The following MYO5B variants were observed in gnomAD, a reference collection of about 807,000 sequenced individuals.
The protein encoded by MYO5B is myosin VB.
In MYO5B, 143 loss-of-function variants were observed where a neutral mutation model predicts 229.3. That is an observed-to-expected ratio of 0.62 (90% confidence interval 0.54 to 0.72). MYO5B has a LOEUF of 0.72. Ranked by LOEUF, MYO5B falls within the 30% of genes least tolerant of loss-of-function variation. The pLI is 0.00. For missense variants in MYO5B, 2,321 were observed against 2,331.0 expected (o/e 1.00, Z 0.09); for synonymous variants, 918 against 885.2 (o/e 1.04, Z -0.66).
Position 49,990,507 on chromosome 18 carries a change from C to T in MYO5B, c.770G>A (p.Arg257Lys). Residue 257 changes from arginine to lysine, a missense_variant, in exon 7 of 40, where the codon AGG becomes AAG. By Grantham distance (26) the Arg-to-Lys change is conservative. Transcript: ENST00000285039. The part of the protein sequence containing the change: ...SRVVFQADDE[R>K]NYHIFYQLCA... ...GAGCTGGTAAAAGATGTGGTAATTC[C>T]TCTCATCATCTGCCTGGAGGAGGAA... 2 of 1,613,624 alleles carry T rather than the reference C, an allele frequency of 1.2e-6. No homozygotes were observed. The highest frequency in any genetic ancestry group is 1.7e-6 in the Non-Finnish European group (2 of 1,179,646).
intron 1 of MYO5B, among the ~76,000 whole-genome samples, chr18:50,158,444 T>A (rs1183280162): frequency 6.6e-6 from 1 of 152,238 alleles, no homozygotes; most frequent in Non-Finnish European, 1.5e-5. Context: ...TTTACCTTCT[T>A]GGAAGCGCCA....
intron 17 of MYO5B, among the ~76,000 whole-genome samples, chr18:49,926,611 G>T (rs1373659862): frequency 2.0e-5 from 3 of 152,176 alleles, no homozygotes; most frequent in Non-Finnish European, 2.9e-5. Context: ...CCCTATTTCA[G>T]GCAAGTGTCC....
intron 1 of MYO5B, among the ~76,000 whole-genome samples, chr18:50,133,385 G>A (rs1669935344): frequency 6.6e-6 from 1 of 152,214 alleles, no homozygotes; most frequent in Admixed American, 6.5e-5. Context: ...CGAGGCTAAT[G>A]TTTGGGCCTT....
intron 16 of MYO5B, among the ~76,000 whole-genome samples, chr18:49,934,537 C>G (rs2025228804): frequency 6.6e-6 from 1 of 152,360 alleles, no homozygotes; most frequent in African/African-American, 2.4e-5. Flanking sequence ...AAGGCCACAG[C>G]TGGTCTGGCC....
intron 31 of MYO5B, chr18:49,850,828 C>A (rs2024191933): frequency 1.3e-5 from 2 of 152,746 alleles, no homozygotes; most frequent in African/African-American, 2.4e-5. Context: ...GTTCATATAA[C>A]CCTGTCCAGA....
At chr18:49,962,782 A>G (rs2025575060) in intron 11 of MYO5B, among the ~76,000 whole-genome samples, 167 bp downstream of exon 11, 1 of 152,010 alleles carries the variant, frequency 6.6e-6, no homozygotes, top group African/African-American at 2.4e-5. Flanking sequence ...CTCCCTCCTG[A>G]GCAGTGGAGA....
At chr18:50,142,551 T>C (rs2032434155) in intron 1 of MYO5B, among the ~76,000 whole-genome samples, 1 of 152,156 alleles carries the variant, frequency 6.6e-6, no homozygotes, top group Non-Finnish European at 1.5e-5. Flanking sequence ...GTGTTGTCAT[T>C]TTAAAACCAA....
chr18:49,927,754 T>C (rs1015643470), intron 17 of MYO5B, among the ~76,000 whole-genome samples: 18 of 152,174 alleles, frequency 1.2e-4, no homozygotes, highest in Non-Finnish European at 2.4e-4. Context: ...TCAAGATGGA[T>C]CAAAGACTTA....
intron 29 of MYO5B, among the ~76,000 whole-genome samples, chr18:49,861,256 T>C (rs1358144893): frequency 2.0e-5 from 3 of 152,222 alleles, no homozygotes; most frequent in Admixed American, 6.5e-5. Flanking sequence ...ATCATTATTA[T>C]TGCTGTAAAG....
intron 25 of MYO5B, among the ~76,000 whole-genome samples, chr18:49,877,139 A>G (rs746487968): frequency 3.9e-5 from 6 of 152,112 alleles, no homozygotes; most frequent in African/African-American, 4.8e-5. Flanking sequence ...GCGCACACAC[A>G]CGCGCGCATG....
rs559976990 is a variant in MYO5B at position 49,951,830 on chromosome 18, A to G, written c.1752+1430T>C. On this transcript the variant is annotated intron_variant, in intron 14 of 39. Coordinates refer to ENST00000285039, the MANE Select transcript of MYO5B (RefSeq NM_001080467.3). ...CGTGAGGAAGGGGATCCTAGTGCTC[A>G]GAACACTTCCATCTACTCTCTTTCC... 2.0e-5 allele frequency among the ~76,000 whole-genome samples: 3 copies of G among 152,286 alleles called. No individual in the cohort carries two copies. In the South Asian group the frequency reaches 6.2e-4, roughly 32 times the overall value.
intron 4 of MYO5B, among the ~76,000 whole-genome samples, chr18:50,021,916 A>G (rs1053462519): frequency 1.3e-5 from 2 of 152,076 alleles, no homozygotes; most frequent in Non-Finnish European, 1.5e-5. Flanking sequence ...CTTGATTGAC[A>G]TCATCCATTC....
intron 8 of MYO5B, among the ~76,000 whole-genome samples, chr18:49,982,545 G>A (rs753642546): frequency 2.0e-5 from 3 of 152,126 alleles, no homozygotes; most frequent in Non-Finnish European, 4.4e-5. Context: ...GGTACCTCAC[G>A]CTATGGGAAG....
At chr18:50,084,980 A>T (rs1413255315) in intron 1 of MYO5B, among the ~76,000 whole-genome samples, 1 of 152,194 alleles carries the variant, frequency 6.6e-6, no homozygotes, top group Non-Finnish European at 1.5e-5. Flanking sequence ...AACCTAGGCA[A>T]TACCATTCAG....
At chr18:50,110,145 T>C (rs566706748) in intron 1 of MYO5B, among the ~76,000 whole-genome samples, 99 of 152,296 alleles carry the variant, frequency 6.5e-4, no homozygotes, top group Admixed American at 1.4e-3. Flanking sequence ...TTCCCAGATA[T>C]CCACGCTGCT....
At chr18:50,176,626 G>C (rs1003213492) in intron 1 of MYO5B, among the ~76,000 whole-genome samples, 1 of 152,174 alleles carries the variant, frequency 6.6e-6, no homozygotes, top group Non-Finnish European at 1.5e-5. Context: ...AAAACTTCTT[G>C]ATGGTCAAAG....
At chr18:49,911,250 C>T (rs61054181) in intron 18 of MYO5B, among the ~76,000 whole-genome samples, 3,258 of 152,302 alleles carry the variant, frequency 0.021, 104 homozygotes, top group African/African-American at 0.075. Context: ...CCTGAGCCGG[C>T]AGCTTGCAGT....
chr18:50,154,520 G>A (rs1288986865), intron 1 of MYO5B, among the ~76,000 whole-genome samples: 1 of 152,224 alleles, frequency 6.6e-6, no homozygotes, highest in Non-Finnish European at 1.5e-5. Flanking sequence ...GGAATTCAAA[G>A]AGCATGGGCA....
At chr18:49,970,604 T>C (rs961566882) in intron 10 of MYO5B, among the ~76,000 whole-genome samples, 4 of 152,208 alleles carry the variant, frequency 2.6e-5, no homozygotes, top group African/African-American at 7.2e-5. Context: ...TCACTCTGGC[T>C]GTGAGTTCTG....
Sources: gnomAD v4.1 joint callset for allele counts (sites outside exome capture counted in the v4.1 genomes callset) on GRCh38, gnomAD v4.1.1 for gene constraint, MANE v1.5 for transcripts, NCBI Gene and HGNC (gene_info 2026-07-23, HGNC 2026-07-21) for gene names.